The following TNXB variants were observed in gnomAD, a reference collection of about 807,000 sequenced individuals.
TNXB encodes the protein tenascin-X.
In TNXB, 183 loss-of-function variants were observed where a neutral mutation model predicts 340.5. The ratio of observed to expected loss-of-function variants is 0.54; its 90% CI spans 0.48 to 0.61. TNXB has a LOEUF of 0.61. TNXB is among the 20% of genes least tolerant of loss of function. The pLI is 0.00. For synonymous variants in TNXB, 2,121 were observed against 2,314.5 expected (o/e 0.92, Z 2.40); for missense variants, 4,613 against 5,446.4 (o/e 0.85, Z 4.82).
Position 32,073,490 on chromosome 6 carries a change from G to A in TNXB, c.4681+157C>T, listed in dbSNP as rs1024420667. ...GCCCTGGGAGGAGTAAAGGGGTCAGGGAACAGAAAGACTGGCAGGGTCACC... is the reference window on the plus strand; with the variant it reads ...GCCCTGGGAGGAGTAAAGGGGTCAGAGAACAGAAAGACTGGCAGGGTCACC... On this transcript the variant is annotated intron_variant, in intron 12 of 43. Transcript: ENST00000644971. This position sits in a 1 kb window ranked among gnomAD's most constrained non-coding sequence, Gnocchi z 4.6. 1.1e-4 allele frequency among the ~76,000 whole-genome samples: 16 copies of A among 152,072 alleles called. No homozygotes were observed. Among genetic ancestry groups the A allele is most frequent in the Admixed American group, 2.6e-4 (4 of 15,286 alleles).
intron 4 of TNXB, among the ~76,000 whole-genome samples, chr6:32,094,096 A>G (rs1252900966): frequency 2.9e-5 from 1 of 33,918 alleles, no homozygotes; most frequent in Non-Finnish European, 5.8e-5. Context: ...TCTCTGTCTC[A>G]AAAAAAAAAA....
At position 32,081,023 on chromosome 6, in the gene TNXB, C is replaced by G. The variant is rs1448139041; in HGVS notation, c.4042+345G>C. 6.6e-6 allele frequency among the ~76,000 whole-genome samples: 1 copy of G among 151,948 alleles called. No individual in the cohort carries two copies. The highest frequency in any genetic ancestry group is 1.5e-5 in the Non-Finnish European group (1 of 68,000). On this transcript the variant is annotated intron_variant, in intron 10 of 43. Coordinates refer to ENST00000644971, the MANE Select transcript of TNXB (RefSeq NM_001365276.2). This position sits in a 1 kb window ranked among gnomAD's most constrained non-coding sequence, Gnocchi z 5.1. ...GGCCCAAACCAGACCATGAAGGAGC[C>G]CAGTAAAAACTGAGGGGTGAGAACA...
rs754879693 is a variant in TNXB, at chr6:32,079,205, A to C, written c.4203T>G (p.Ser1401=). 3.1e-6 allele frequency: 5 copies of C among 1,613,836 alleles called. No homozygotes were observed. Among genetic ancestry groups the C allele is most frequent in the Non-Finnish European group, 4.2e-6 (5 of 1,179,860 alleles). Residue 1401 remains serine (S), a synonymous_variant, in exon 11 of 44, where the codon TCT becomes TCG. Transcript: ENST00000644971. The surrounding 1 kb of genome is among the most constrained non-coding windows in gnomAD (Gnocchi z 7.1). ...CCCTGTCCTTGTACTGCACGGTGAA[A>C]GAGTCGAAGCTGCCCTGGGGGACGG... is the stretch of plus-strand genomic sequence containing the variant. ...FWTVPQGSFD[S]FTVQYKDRDG...
chr6:32,102,497 T>C (rs768008153), intron 1 of TNXB, among the ~76,000 whole-genome samples: 1 of 152,170 alleles, frequency 6.6e-6, no homozygotes, highest in Non-Finnish European at 1.5e-5. Flanking sequence ...TTCACACACA[T>C]AGTGCTGAGT....
At chr6:32,071,104 C>T (rs146970659) in intron 13 of TNXB, among the ~76,000 whole-genome samples, 1 of 152,254 alleles carries the variant, frequency 6.6e-6, no homozygotes, top group Non-Finnish European at 1.5e-5. Flanking sequence ...ACGGTGAGGA[C>T]GCTGACGACA....
chr6:32,062,442 GTTCT>G lies in TNXB; in HGVS notation c.6879_6882del (p.Glu2294LeufsTer15), dbSNP rs1157109938. The G allele has an allele frequency of 6.2e-7, 1 of 1,611,280 alleles. No individual in the cohort carries two copies. Among genetic ancestry groups the G allele is most frequent in the Non-Finnish European group, 8.5e-7 (1 of 1,178,572 alleles). Reference sequence around the variant, plus strand: ...TTGATGGGGGGTTCAGGGGTGGGAGGTTCTGTCGAGGCTGGGGCCATTTCTTCAT... The same window carrying G: ...TTGATGGGGGGTTCAGGGGTGGGAGGGTCGAGGCTGGGGCCATTTCTTCAT... On this transcript the variant is annotated frameshift_variant, in exon 20 of 44. Coordinates refer to ENST00000644971, the MANE Select transcript of TNXB (RefSeq NM_001365276.2). LOFTEE classifies it high-confidence loss of function. This position sits in a 1 kb window ranked among gnomAD's most constrained non-coding sequence, Gnocchi z 4.3.
rs1451232960 is a variant in TNXB, at chr6:32,049,437, G to A, written c.9590C>T (p.Thr3197Ile). Residue 3197 changes from threonine to isoleucine, a missense_variant, in exon 28 of 44, where the codon ACC becomes ATC. This residue lies in a region of TNXB where 4,327 missense variants were observed against 4,859.4 expected (regional missense o/e 0.89). Coordinates refer to ENST00000644971, the MANE Select transcript of TNXB (RefSeq NM_001365276.2). The surrounding 1 kb of genome is among the most constrained non-coding windows in gnomAD (Gnocchi z 4.5). ...TVPQGRFDSFTVQYKDRDGQP... is the reference protein window; with the variant it reads ...TVPQGRFDSFIVQYKDRDGQP... Reference sequence around the variant, plus strand: ...CCCGTCCCTGTCCTTGTACTGCACGGTGAAGGAGTCGAAGCGGCCCTGGGG... The same window carrying A: ...CCCGTCCCTGTCCTTGTACTGCACGATGAAGGAGTCGAAGCGGCCCTGGGG... 4 of 1,612,702 alleles carry A rather than the reference G, an allele frequency of 2.5e-6. No individual in the cohort carries two copies. Among genetic ancestry groups the A allele is most frequent in the Non-Finnish European group, 3.4e-6 (4 of 1,179,860 alleles).
In TNXB at chr6:32,108,216, G is replaced by A. The variant is rs927132546; in HGVS notation, c.-9+965C>T. On this transcript the variant is annotated intron_variant, in intron 1 of 43. Coordinates refer to ENST00000644971, the MANE Select transcript of TNXB (RefSeq NM_001365276.2). This position sits in a 1 kb window ranked among gnomAD's most constrained non-coding sequence, Gnocchi z 4.8. ...GCGGGAAGCAGGGGCAGGGCAGGCA[G>A]CAGCTGTGGTGTTTCCGAGTTGCTT... Among the ~76,000 whole-genome samples the A allele has an allele frequency of 7.2e-5, 11 of 152,176 alleles. No individual in the cohort carries two copies. The highest frequency in any genetic ancestry group is 2.6e-4 in the Admixed American group (4 of 15,288).
chr6:32,049,768 T>TG lies in TNXB; in HGVS notation c.9440-182dup, dbSNP rs11331391. 0.051 allele frequency among the ~76,000 whole-genome samples: 7,783 copies of TG among 152,172 alleles called. 274 individuals carry two copies. The highest frequency in any genetic ancestry group is 0.097 in the African/African-American group (4,021 of 41,492). On this transcript the variant is annotated intron_variant, in intron 27 of 43. Coordinates refer to ENST00000644971, the MANE Select transcript of TNXB (RefSeq NM_001365276.2). This position sits in a 1 kb window ranked among gnomAD's most constrained non-coding sequence, Gnocchi z 4.5. ...ACGTAACAAGTTCCAGGGTCAGCTG[T>TG]GGGGGACCTGGCACAGCCACCAGCA...
At position 32,062,649 on chromosome 6, in the gene TNXB, G is replaced by A. The variant is rs904416068; in HGVS notation, c.6842-166C>T. Among the ~76,000 whole-genome samples the A allele has an allele frequency of 6.6e-6, 1 of 152,220 alleles. No individual in the cohort carries two copies. Among genetic ancestry groups the A allele is most frequent in the Admixed American group, 6.5e-5 (1 of 15,276 alleles). ...AATGTTCAGTTAACACCACACCTGTGGTGAAGTCATGATGCTCAGGTGGCA... is the reference window on the plus strand; with the variant it reads ...AATGTTCAGTTAACACCACACCTGTAGTGAAGTCATGATGCTCAGGTGGCA... On this transcript the variant is annotated intron_variant, in intron 19 of 43. Transcript: ENST00000644971. The surrounding 1 kb of genome is among the most constrained non-coding windows in gnomAD (Gnocchi z 4.3).
chr6:32,050,685 A>G (rs1448107629), intron 26 of TNXB, among the ~76,000 whole-genome samples: 2 of 150,920 alleles, frequency 1.3e-5, no homozygotes, highest in African/African-American at 4.9e-5. Flanking sequence ...AGCTCAGCAC[A>G]CTCCTCCCGA....
chr6:32,079,159 G>A lies in TNXB; in HGVS notation c.4249C>T (p.Arg1417Cys), dbSNP rs943572831. The A allele has an allele frequency of 3.7e-6, 6 of 1,613,682 alleles. No individual in the cohort carries two copies. The highest frequency in any genetic ancestry group is 2.7e-5 in the African/African-American group (2 of 74,900). Residue 1417 changes from arginine (R) to cysteine (C), a missense_variant, in exon 11 of 44, where the codon CGT becomes TGT. Around this residue, in one of 7 missense-constraint regions of TNXB, gnomAD observed 4,327 missense variants for 4,859.4 expected, o/e 0.89. Coordinates refer to ENST00000644971, the MANE Select transcript of TNXB (RefSeq NM_001365276.2). The surrounding 1 kb of genome is among the most constrained non-coding windows in gnomAD (Gnocchi z 7.1). ...KDRDGRPRAV[R>C]VGGKESEVTV... ...ACCTCACTCTCCTTGCCCCCAACAC[G>A]CACCGCCCGGGGCCGCCCATCCCTG...
chr6:32,068,513 C>T lies in TNXB; in HGVS notation c.6097G>A (p.Val2033Met). Reference protein sequence around the residue: ...NGDGQPKAVRVPGHEEGVTIS... With the variant: ...NGDGQPKAVRMPGHEEGVTIS... ...GTGACCCCTTCCTCGTGCCCTGGCA[C>T]CCTCACTGCCTTGGGCTGCCCATCT... Residue 2033 changes from valine to methionine, a missense_variant, in exon 17 of 44, where the codon GTG becomes ATG. Physicochemically the swap from Val to Met is conservative, Grantham distance 21 (BLOSUM62 1). Around this residue, in one of 7 missense-constraint regions of TNXB, gnomAD observed 4,327 missense variants for 4,859.4 expected, o/e 0.89. Transcript: ENST00000644971. The surrounding 1 kb of genome is among the most constrained non-coding windows in gnomAD (Gnocchi z 5.3). 1 of 1,613,954 alleles carries T rather than the reference C, an allele frequency of 6.2e-7. No homozygotes were observed. The highest frequency in any genetic ancestry group is 8.5e-7 in the Non-Finnish European group (1 of 1,179,908).
In TNXB at chr6:32,082,110, T is replaced by G. The variant is rs746868657; in HGVS notation, c.3662A>C (p.His1221Pro). 11 of 1,611,216 alleles carry G rather than the reference T, an allele frequency of 6.8e-6. No homozygotes were observed. Among genetic ancestry groups the G allele is most frequent in the Non-Finnish European group, 9.3e-6 (11 of 1,178,966 alleles). ...SFVVSSLDPD[H>P]KYRFTLFGIA... ...TCCAAACAGAGTGAATCTGTACTTG[T>G]GGTCAGGGTCCAGTGAGGAGACAAC... The change falls in exon 9 of 44, where the codon CAC (histidine) becomes CCC (proline). Residue 1221 changes from histidine to proline, a missense_variant. By Grantham distance (77) the His-to-Pro change is moderately conservative. Coordinates refer to ENST00000644971, the MANE Select transcript of TNXB (RefSeq NM_001365276.2). This position sits in a 1 kb window ranked among gnomAD's most constrained non-coding sequence, Gnocchi z 5.0.
chr6:32,055,478 G>T (rs1274355081), intron 24 of TNXB, among the ~76,000 whole-genome samples: 1 of 152,112 alleles, frequency 6.6e-6, no homozygotes, highest in Non-Finnish European at 1.5e-5. Flanking sequence ...TCGACGCGCT[G>T]CCCCTCACTG....
intron 25 of TNXB, among the ~76,000 whole-genome samples, 153 bp downstream of exon 25, chr6:32,053,235 G>A (rs754775276): frequency 6.6e-6 from 1 of 152,114 alleles, no homozygotes; most frequent in Non-Finnish European, 1.5e-5. Context: ...CTCCACCCAG[G>A]AAGATCTGTC....
In TNXB at chr6:32,096,865, G is replaced by T; in HGVS notation, c.988C>A (p.Pro330Thr). The change falls in exon 3 of 44, where the codon CCC becomes ACC. Residue 330 changes from proline (P) to threonine (T), a missense_variant. By Grantham distance (38) the Pro-to-Thr change is conservative (BLOSUM62 -1). Transcript: ENST00000644971. ...RCKDGRCVCD[P>T]GYTGEDCGTR... The stretch of plus-strand genomic sequence containing the variant: ...CCACAGTCCTCGCCAGTGTAGCCGG[G>T]GTCACACACGCAGCGCCCGTCCTTG... 1 of 1,607,948 alleles carries T rather than the reference G, an allele frequency of 6.2e-7. No individual in the cohort carries two copies. The highest frequency in any genetic ancestry group is 8.5e-7 in the Non-Finnish European group (1 of 1,177,566).
Position 32,058,520 on chromosome 6 carries a change from T to G in TNXB, c.7493-130A>C. The stretch of plus-strand genomic sequence containing the variant: ...GGCTGAGGGCTGGGGCAGCTTTGTG[T>G]TCGCCGTTCAGTGACTCTTGGAATA... On this transcript the variant is annotated intron_variant, in intron 21 of 43. Transcript: ENST00000644971. The surrounding 1 kb of genome is among the most constrained non-coding windows in gnomAD (Gnocchi z 5.1). The G allele has an allele frequency of 1.3e-6, 1 of 781,772 alleles. No individual in the cohort carries two copies. Among genetic ancestry groups the G allele is most frequent in the Non-Finnish European group, 2.0e-6 (1 of 509,792 alleles). 48.4% of individuals were successfully genotyped at this position (781,772 alleles called of 1,614,324 possible).
Position 32,069,105 on chromosome 6 carries a change from C to T in TNXB, c.5619G>A (p.Thr1873=), listed in dbSNP as rs758183918. The change falls in exon 16 of 44, where the codon ACG becomes ACA. Residue 1873 remains threonine (T), a synonymous_variant. Coordinates refer to ENST00000644971, the MANE Select transcript of TNXB (RefSeq NM_001365276.2). This position sits in a 1 kb window ranked among gnomAD's most constrained non-coding sequence, Gnocchi z 6.2. ...GCTCAGGCGCTGGAGGGGTCGGGGC[C>T]GTGGTCTCAGTTTCCGTTTCTTCCC... ...AGREETETET[T]APTPPAPEPH... is the part of the protein sequence containing the mutation. The T allele has an allele frequency of 9.3e-6, 15 of 1,610,556 alleles. No homozygotes were observed. The highest frequency in any genetic ancestry group is 6.7e-5 in the East Asian group (3 of 44,882).
Sources: allele counts gnomAD v4.1 joint callset (sites outside exome capture counted in the v4.1 genomes callset), GRCh38; gene constraint gnomAD v4.1.1; regional missense constraint gnomAD v4.1.1; non-coding constraint Gnocchi (gnomAD v3.1); transcripts MANE v1.5; gene names NCBI Gene and HGNC (gene_info 2026-07-23, HGNC 2026-07-21).